Variants in DIP2C observed in about 807,000 individuals in gnomAD.
DIP2C encodes the protein disco-interacting protein 2 homolog C.
Under a neutral mutation model 192.4 loss-of-function variants are expected in DIP2C, and 33 were observed. The observed-to-expected ratio is 0.17, with a 90% CI of 0.13 to 0.23. The LOEUF (loss-of-function observed/expected upper bound fraction) is 0.23, where lower values mean the gene tolerates loss of function less well. Among genes scored for constraint, DIP2C ranks in the 10% least tolerant of loss-of-function variants. DIP2C has a pLI of 1.00. For missense variants in DIP2C, 1,537 were observed against 2,110.1 expected, an observed-to-expected ratio of 0.73 and a Z score of 5.32; for synonymous variants, 979 against 864.1, an observed-to-expected ratio of 1.13 and a Z score of -2.33.
intron 1 of DIP2C, among the ~76,000 whole-genome samples, chr10:656,976 T>C (rs1394800040): frequency 2.6e-5 from 4 of 152,204 alleles, no homozygotes; most frequent in Non-Finnish European, 5.9e-5. Flanking sequence ...TACTAATAAC[T>C]ACTGCTTTAA....
At chr10:579,828 T>C (rs925223176) in intron 1 of DIP2C, among the ~76,000 whole-genome samples, 4 of 151,922 alleles carry the variant, frequency 2.6e-5, no homozygotes, top group Non-Finnish European at 4.4e-5. Context: ...TGTACATGCA[T>C]AGCATGTACA....
intron 1 of DIP2C, among the ~76,000 whole-genome samples, chr10:532,578 T>A (rs816637): frequency 0.023 from 2,081 of 91,578 alleles, 62 homozygotes; most frequent in African/African-American, 0.045. Context: ...AGTATGGGTG[T>A]GAGAGAGAGT....
At chr10:352,645 C>T (rs1212322873) in intron 24 of DIP2C, among the ~76,000 whole-genome samples, 1 of 152,212 alleles carries the variant, frequency 6.6e-6, no homozygotes. Context: ...GGGCGCCTTT[C>T]TTGCCTGGAA....
intron 34 of DIP2C, among the ~76,000 whole-genome samples, chr10:285,613 G>C (rs1955071913): frequency 6.6e-6 from 1 of 152,244 alleles, no homozygotes; most frequent in South Asian, 2.1e-4. Flanking sequence ...GGACGCATGA[G>C]ACAAGTGGCC....
At chr10:567,156 G>A (rs1248079481) in intron 1 of DIP2C, among the ~76,000 whole-genome samples, 2 of 151,992 alleles carry the variant, frequency 1.3e-5, no homozygotes, top group Non-Finnish European at 2.9e-5. Flanking sequence ...TCCGGCGGAA[G>A]GAGGACAGGC....
At chr10:521,840 T>C (rs1364307581) in intron 1 of DIP2C, among the ~76,000 whole-genome samples, 1 of 151,954 alleles carries the variant, frequency 6.6e-6, no homozygotes. Flanking sequence ...AGTCCTCACG[T>C]ATCTCCTTCC....
intron 22 of DIP2C, 102 bp downstream of exon 22, chr10:362,388 A>T: frequency 7.4e-7 from 1 of 1,348,646 alleles, no homozygotes; most frequent in Non-Finnish European, 1.0e-6. Context: ...CGCAAGCATC[A>T]GCTTCCTGCA....
At chr10:446,510 A>T (rs1968232806) in intron 3 of DIP2C, among the ~76,000 whole-genome samples, 1 of 152,248 alleles carries the variant, frequency 6.6e-6, no homozygotes, top group African/African-American at 2.4e-5. Flanking sequence ...TTTCTAAATA[A>T]GGCCCTGTGT....
intron 32 of DIP2C, among the ~76,000 whole-genome samples, chr10:296,984 A>G (rs1313135531): frequency 6.6e-6 from 1 of 151,792 alleles, no homozygotes; most frequent in African/African-American, 2.4e-5. Context: ...ACATGTATAC[A>G]TATGTAACAA....
At chr10:619,537 G>GCCCTCCCACCCTCCCACCCTCCCACCCT (rs528029497) in intron 1 of DIP2C, among the ~76,000 whole-genome samples, 12 of 51,328 alleles carry the variant, frequency 2.3e-4, no homozygotes, top group African/African-American at 5.7e-4. Flanking sequence ...AAGCCCGCCC[G>GCCCTCCCACCCTCCCACCCTCCCACCCT]CCCGCCCTCC....
At chr10:291,861 A>C (rs1432969350) in intron 32 of DIP2C, among the ~76,000 whole-genome samples, 1 of 152,198 alleles carries the variant, frequency 6.6e-6, no homozygotes, top group African/African-American at 2.4e-5. Context: ...GGCACACGAG[A>C]GGTGGGCTGC....
At chr10:521,357 C>T (rs539411412) in intron 1 of DIP2C, among the ~76,000 whole-genome samples, 13 of 152,236 alleles carry the variant, frequency 8.5e-5, no homozygotes, top group South Asian at 2.1e-4. Context: ...TGGGGACTCC[C>T]GACTCCCCAA....
At chr10:561,538 T>C (rs1248508366) in intron 1 of DIP2C, among the ~76,000 whole-genome samples, 2 of 152,194 alleles carry the variant, frequency 1.3e-5, no homozygotes, top group East Asian at 3.9e-4. Context: ...TCCCCAAGTT[T>C]ACTCCTCTAA....
chr10:490,897 CCAG>C (rs770447809), intron 1 of DIP2C, among the ~76,000 whole-genome samples: 3 of 152,128 alleles, frequency 2.0e-5, no homozygotes, highest in Non-Finnish European at 4.4e-5. Context: ...GGCAAAGTCA[CCAG>C]CAGAAGGTCG....
Position 348,675 on chromosome 10 carries a change from G to T in DIP2C, c.3197C>A (p.Ala1066Glu), listed in dbSNP as rs200201760. The T allele has an allele frequency of 1.9e-6, 3 of 1,613,694 alleles. No homozygotes were observed. Among genetic ancestry groups the T allele is most frequent in the Non-Finnish European group, 2.5e-6 (3 of 1,179,906 alleles). ...TVRPPHPQNI[A>E]TTLPTVKMIV... ...CATCTTGACGGTAGGCAACGTCGTC[G>T]CGATGTTCTGTGGGTGCGGGGGACG... Residue 1066 changes from alanine to glutamate, a missense_variant, in exon 26 of 37, where the codon GCG becomes GAG. Coordinates refer to ENST00000280886, the MANE Select transcript of DIP2C (RefSeq NM_014974.3).
At chr10:356,529 G>A in intron 23 of DIP2C, 23 bp from the exon 24 acceptor site, 1 of 1,594,240 alleles carries the variant, frequency 6.3e-7, no homozygotes, top group Non-Finnish European at 8.6e-7. Flanking sequence ...ACGGGCATGA[G>A]GATCAGGCTG....
chr10:518,110 G>A (rs962312709), intron 1 of DIP2C, among the ~76,000 whole-genome samples: 1 of 152,200 alleles, frequency 6.6e-6, no homozygotes, highest in African/African-American at 2.4e-5. Flanking sequence ...GCAAGTCCTG[G>A]TCAGCTCGGT....
chr10:632,213 C>T (rs1389153703), intron 1 of DIP2C, among the ~76,000 whole-genome samples: 6 of 152,244 alleles, frequency 3.9e-5, no homozygotes, highest in South Asian at 4.1e-4. Flanking sequence ...AGGAAGAATT[C>T]GCGGTGGCCC....
In DIP2C at chr10:427,760, C is replaced by CA. The variant is rs531045795; in HGVS notation, c.395-4728dup. ...GGCAAAAATAAAAATACCAAAATACCAACTGCTTCTCATGATGTGGAGAAA... is the reference window on the plus strand; with the variant it reads ...GGCAAAAATAAAAATACCAAAATACCAAACTGCTTCTCATGATGTGGAGAAA... On this transcript the variant is annotated intron_variant, in intron 4 of 36. Coordinates refer to ENST00000280886, the MANE Select transcript of DIP2C (RefSeq NM_014974.3). Among the ~76,000 whole-genome samples the CA allele has an allele frequency of 2.9e-4, 44 of 152,164 alleles. 1 individual carries two copies. Among genetic ancestry groups the CA allele is most frequent in the African/African-American group, 1.0e-3 (43 of 41,524 alleles).
Sources: gnomAD v4.1 joint callset for allele counts (sites outside exome capture counted in the v4.1 genomes callset) on GRCh38, gnomAD v4.1.1 for gene constraint, MANE v1.5 for transcripts, NCBI Gene and HGNC (gene_info 2026-07-23, HGNC 2026-07-21) for gene names.